COL7A1: variants seen among roughly 807,000 people sequenced by gnomAD.
COL7A1 encodes collagen type VII alpha 1 chain, also known as collagen alpha-1(VII) chain.
In COL7A1, 296 loss-of-function variants were observed where a neutral mutation model predicts 456.2. The ratio of observed to expected loss-of-function variants is 0.65; its 90% CI spans 0.59 to 0.71. The LOEUF (loss-of-function observed/expected upper bound fraction) is 0.71, where lower values mean the gene tolerates loss of function less well. COL7A1 is among the 30% of genes least tolerant of loss of function. The pLI is 0.00. For synonymous variants in COL7A1, 1,464 were observed against 1,525.9 expected (o/e 0.96, Z 0.95); for missense variants, 3,441 against 4,017.2 (o/e 0.86, Z 3.88).
At chr3:48,577,426 T>C (rs554214401) in intron 65 of COL7A1, among the ~76,000 whole-genome samples, 1 of 152,360 alleles carries the variant, frequency 6.6e-6, no homozygotes, top group South Asian at 2.1e-4. Context: ...CATGGGCTTA[T>C]ACATGTCTCC....
Position 48,567,933 on chromosome 3 carries a change from T to TCACTCTGTGA in COL7A1, c.7876-52_7876-43dup, listed in dbSNP as rs1479922790. 1.2e-6 allele frequency: 2 copies of TCACTCTGTGA among 1,612,206 alleles called. No homozygotes were observed. The highest frequency in any genetic ancestry group is 2.7e-5 in the African/African-American group (2 of 74,792). On this transcript the variant is annotated intron_variant, in intron 106 of 118. Coordinates refer to ENST00000681320, the MANE Select transcript of COL7A1 (RefSeq NM_000094.4). The surrounding 1 kb of genome is among the most constrained non-coding windows in gnomAD (Gnocchi z 4.3). ...GATGAAGAAGTGATTCCCAGACACC[T>TCACTCTGTGA]CACTCTGTGACCCCCTTCACCCTGA...
rs780623622 is a variant in COL7A1, at chr3:48,575,437, CG to C, written c.6081del (p.Pro2029LeufsTer177). On this transcript the variant is annotated frameshift_variant, in exon 74 of 119. Transcript: ENST00000681320. LOFTEE classifies it high-confidence loss of function. The surrounding 1 kb of genome is among the most constrained non-coding windows in gnomAD (Gnocchi z 6.3). The stretch of plus-strand genomic sequence containing the variant: ...GGCTCCCCGGCAAGGCCGGAAGGCC[CG>C]GGGGGGCCCCTCTCCCCAAGGGCCA... The part of the protein sequence containing the change: ...PGLALGERGP[P>X]GPSGLAGEPG... 18 of 1,609,740 alleles carry C rather than the reference CG, an allele frequency of 1.1e-5. No homozygotes were observed. The highest frequency in any genetic ancestry group is 1.3e-5 in the African/African-American group (1 of 74,782).
At position 48,570,135 on chromosome 3, in the gene COL7A1, G is replaced by A. The variant is rs771717980; in HGVS notation, c.7484C>T (p.Thr2495Met). Residue 2495 changes from threonine (T) to methionine (M), a missense_variant and splice_region_variant, in exon 99 of 119, where the codon ACG becomes ATG. By Grantham distance (81) the Thr-to-Met change is moderately conservative. Coordinates refer to ENST00000681320, the MANE Select transcript of COL7A1 (RefSeq NM_000094.4). This position sits in a 1 kb window ranked among gnomAD's most constrained non-coding sequence, Gnocchi z 5.5. The stretch of plus-strand genomic sequence containing the variant: ...GTCACTTTCCCCAGCGGGACCCACC[G>A]TGAGTCCTCGGGGTCCCTCCTGGCC... ...RPGQEGPRGL[T>M]GPPGSRGERG... 7.4e-6 allele frequency: 12 copies of A among 1,614,036 alleles called. No homozygotes were observed. The highest frequency in any genetic ancestry group is 3.3e-4 in the Middle Eastern group (2 of 6,084).
Position 48,564,730 on chromosome 3 carries a change from C to T in COL7A1, c.8818+53G>A, listed in dbSNP as rs2043526012. On this transcript the variant is annotated intron_variant, in intron 118 of 118. Transcript: ENST00000681320. The surrounding 1 kb of genome is among the most constrained non-coding windows in gnomAD (Gnocchi z 6.0). ...GCCCAAGGACTCCTCCCCCAGAACCCGATCCAGGCAGGCTCAGTGCCCAGT... is the reference window on the plus strand; with the variant it reads ...GCCCAAGGACTCCTCCCCCAGAACCTGATCCAGGCAGGCTCAGTGCCCAGT... 18 of 1,576,670 alleles carry T rather than the reference C, an allele frequency of 1.1e-5. No individual in the cohort carries two copies. The highest frequency in any genetic ancestry group is 2.3e-5 in the East Asian group (1 of 43,418).
chr3:48,570,418 G>A lies in COL7A1; in HGVS notation c.7380+47C>T. ...ATGGGAGGTCAGTGGAGGCTGAAGG[G>A]GGTGACCAGGGCACAAGAGAGAGTC... On this transcript the variant is annotated intron_variant, in intron 97 of 118. Coordinates refer to ENST00000681320, the MANE Select transcript of COL7A1 (RefSeq NM_000094.4). The surrounding 1 kb of genome is among the most constrained non-coding windows in gnomAD (Gnocchi z 5.5). 6.2e-7 allele frequency: 1 copy of A among 1,614,014 alleles called. No homozygotes were observed. Among genetic ancestry groups the A allele is most frequent in the Non-Finnish European group, 8.5e-7 (1 of 1,179,912 alleles).
chr3:48,565,674 G>T lies in COL7A1; in HGVS notation c.8408-6C>A, dbSNP rs749730480. ...GATGAACTGGCCCTGGCAGGCTAGA[G>T]GGGGCAGAGAGGGATAGAGAGACAA... On this transcript the variant is annotated splice_region_variant and splice_polypyrimidine_tract_variant and intron_variant, in intron 114 of 118. Transcript: ENST00000681320. The surrounding 1 kb of genome is among the most constrained non-coding windows in gnomAD (Gnocchi z 4.5). The T allele has an allele frequency of 3.3e-5, 54 of 1,612,576 alleles. No homozygotes were observed. The Admixed American group carries it at 8.9e-4, about 26-fold the overall frequency.
rs779488229 is a variant in COL7A1, at chr3:48,570,358, G to A, written c.7381-24C>T. On this transcript the variant is annotated intron_variant, in intron 97 of 118. Coordinates refer to ENST00000681320, the MANE Select transcript of COL7A1 (RefSeq NM_000094.4). The surrounding 1 kb of genome is among the most constrained non-coding windows in gnomAD (Gnocchi z 5.5). The stretch of plus-strand genomic sequence containing the variant: ...CCCTGGAGACCAACAGGACACCGGG[G>A]ATCAGTGAGGGGAATCAGTGGGGGA... The A allele has an allele frequency of 6.2e-7, 1 of 1,614,074 alleles. No homozygotes were observed. Among genetic ancestry groups the A allele is most frequent in the Non-Finnish European group, 8.5e-7 (1 of 1,179,972 alleles).
chr3:48,579,962 G>A lies in COL7A1; in HGVS notation c.5124+69C>T. The A allele has an allele frequency of 1.2e-6, 2 of 1,609,306 alleles. No individual in the cohort carries two copies. The highest frequency in any genetic ancestry group is 3.3e-5 in the Admixed American group (2 of 60,008). ...GTGGGAGTTAGTGGAAGGAATGAGG[G>A]GACATGATGTGGAGCCAAAGGGGCA... On this transcript the variant is annotated intron_variant, in intron 57 of 118. Coordinates refer to ENST00000681320, the MANE Select transcript of COL7A1 (RefSeq NM_000094.4). This position sits in a 1 kb window ranked among gnomAD's most constrained non-coding sequence, Gnocchi z 4.4.
Position 48,567,497 on chromosome 3 carries a change from C to T in COL7A1, c.8046+77G>A, listed in dbSNP as rs781251704. 4.4e-6 allele frequency: 7 copies of T among 1,592,760 alleles called. No homozygotes were observed. Among genetic ancestry groups the T allele is most frequent in the East Asian group, 2.2e-5 (1 of 44,768 alleles). ...CCCTCTACAGCCTTCCTTGTCCCTA[C>T]ACCCCCATGACCCGACCATGAGCTT... On this transcript the variant is annotated intron_variant, in intron 109 of 118. Coordinates refer to ENST00000681320, the MANE Select transcript of COL7A1 (RefSeq NM_000094.4). This position sits in a 1 kb window ranked among gnomAD's most constrained non-coding sequence, Gnocchi z 4.3.
Position 48,592,061 on chromosome 3 carries a change from C to A in COL7A1, c.1240+41G>T. 1 of 1,614,182 alleles carries A rather than the reference C, an allele frequency of 6.2e-7. No individual in the cohort carries two copies. Among genetic ancestry groups the A allele is most frequent in the East Asian group, 2.2e-5 (1 of 44,884 alleles). On this transcript the variant is annotated intron_variant, in intron 10 of 118. Coordinates refer to ENST00000681320, the MANE Select transcript of COL7A1 (RefSeq NM_000094.4). This position sits in a 1 kb window ranked among gnomAD's most constrained non-coding sequence, Gnocchi z 7.6. ...TCAGTGGCCTCCGGGCCTTGCCCTG[C>A]CTGCCCGTCCCAGCCTGAAGAAAGT...
chr3:48,592,071 C>T lies in COL7A1; in HGVS notation c.1240+31G>A, dbSNP rs770244353. The T allele has an allele frequency of 6.2e-7, 1 of 1,614,178 alleles. No homozygotes were observed. Among genetic ancestry groups the T allele is most frequent in the South Asian group, 1.1e-5 (1 of 91,088 alleles). On this transcript the variant is annotated intron_variant, in intron 10 of 118. Transcript: ENST00000681320. The surrounding 1 kb of genome is among the most constrained non-coding windows in gnomAD (Gnocchi z 7.6). ...CCGGGCCTTGCCCTGCCTGCCCGTC[C>T]CAGCCTGAAGAAAGTGCCCAGCCTT...
rs375511803 is a variant in COL7A1 at position 48,585,563 on chromosome 3, G to A, written c.3888C>T (p.Gly1296=). 1.2e-5 allele frequency: 19 copies of A among 1,613,640 alleles called. No individual in the cohort carries two copies. Among genetic ancestry groups the A allele is most frequent in the Admixed American group, 3.3e-5 (2 of 60,002 alleles). ...QGPPGSATAK[G]ERGFPGADGR... ...CGATGGTCTCCACACTCACCCTCTC[G>A]CCCTTGGCAGTGGCACTTCCAGGGG... The change falls in exon 32 of 119, where the codon GGC becomes GGT. Residue 1296 remains glycine, a synonymous_variant. Transcript: ENST00000681320. The surrounding 1 kb of genome is among the most constrained non-coding windows in gnomAD (Gnocchi z 4.5).
Position 48,576,296 on chromosome 3 carries a change from C to A in COL7A1, c.5773G>T (p.Gly1925Cys). The change falls in exon 71 of 119, where the codon GGC becomes TGC. Residue 1925 changes from glycine to cysteine, a missense_variant and splice_region_variant. Gly to Cys is a radical substitution (Grantham distance 159). Coordinates refer to ENST00000681320, the MANE Select transcript of COL7A1 (RefSeq NM_000094.4). ...CGCAGGCCACGCTCTCCAGGGAGGC[C>A]CTGGAGAGATGAAGACAAACTGCTA... ...RGETGSKGEQ[G>C]LPGERGLRGE... 6.2e-7 allele frequency: 1 copy of A among 1,613,788 alleles called. No individual in the cohort carries two copies. The highest frequency in any genetic ancestry group is 8.5e-7 in the Non-Finnish European group (1 of 1,179,986).
In COL7A1 at chr3:48,573,690, C is replaced by A. The variant is rs779416907; in HGVS notation, c.6573G>T (p.Pro2191=). Residue 2191 remains proline (P), a splice_region_variant and synonymous_variant, in exon 82 of 119, where the codon CCG becomes CCT. Coordinates refer to ENST00000681320, the MANE Select transcript of COL7A1 (RefSeq NM_000094.4). This position sits in a 1 kb window ranked among gnomAD's most constrained non-coding sequence, Gnocchi z 5.5. ...CAGGCAGTGTTCCCTGGTCACTCAC[C>A]GGGGCACCAGGTGGTCCAGGGTCTC... is the stretch of plus-strand genomic sequence containing the variant. The part of the protein sequence containing the change: ...GHGDPGPPGA[P]GLAGPAGPQG... 6.2e-7 allele frequency: 1 copy of A among 1,612,822 alleles called. No individual in the cohort carries two copies. Among genetic ancestry groups the A allele is most frequent in the South Asian group, 1.1e-5 (1 of 90,878 alleles).
At position 48,585,945 on chromosome 3, in the gene COL7A1, G is replaced by T. The variant is rs1283781441; in HGVS notation, c.3754C>A (p.Pro1252Thr). 14 of 1,613,974 alleles carry T rather than the reference G, an allele frequency of 8.7e-6. No individual in the cohort carries two copies. The highest frequency in any genetic ancestry group is 1.2e-5 in the Non-Finnish European group (14 of 1,180,036). The change falls in exon 29 of 119, where the codon CCA becomes ACA. Residue 1252 changes from proline (P) to threonine (T), a missense_variant. Coordinates refer to ENST00000681320, the MANE Select transcript of COL7A1 (RefSeq NM_000094.4). This position sits in a 1 kb window ranked among gnomAD's most constrained non-coding sequence, Gnocchi z 4.5. ...TCTCGATGAGGGACTCTTACCTTTGGACAATACACTGGGCAGGGCTCTGGC... is the reference window on the plus strand; with the variant it reads ...TCTCGATGAGGGACTCTTACCTTTGTACAATACACTGGGCAGGGCTCTGGC... ...PRPEPCPVYC[P>T]KGQKGEPGEM...
rs2045340753 is a variant in COL7A1 at position 48,587,287 on chromosome 3, C to G, written c.3042G>C (p.Arg1014=). 6.2e-7 allele frequency: 1 copy of G among 1,607,302 alleles called. No homozygotes were observed. Among genetic ancestry groups the G allele is most frequent in the Admixed American group, 1.7e-5 (1 of 59,118 alleles). Residue 1014 remains arginine, a synonymous_variant, in exon 24 of 119, where the codon CGG becomes CGC. Coordinates refer to ENST00000681320, the MANE Select transcript of COL7A1 (RefSeq NM_000094.4). The surrounding 1 kb of genome is among the most constrained non-coding windows in gnomAD (Gnocchi z 6.1). ...QTLPGISSSQ[R]VTGLEPGVSY... The stretch of plus-strand genomic sequence containing the variant: ...AGACGCCAGGCTCTAGCCCTGTCAC[C>G]CGCTGGGAGCTTGAGATCCCTGGAA...
At position 48,586,043 on chromosome 3, in the gene COL7A1, C is replaced by T. The variant is rs2045231163; in HGVS notation, c.3723+31G>A. 2 of 1,613,506 alleles carry T rather than the reference C, an allele frequency of 1.2e-6. No individual in the cohort carries two copies. Among genetic ancestry groups the T allele is most frequent in the Non-Finnish European group, 1.7e-6 (2 of 1,180,010 alleles). The stretch of plus-strand genomic sequence containing the variant: ...GAACCCCCAGACCCCTTATATTCTA[C>T]CACCCAGTCCCCCAGAGGCCTCTTC... On this transcript the variant is annotated intron_variant, in intron 28 of 118. Coordinates refer to ENST00000681320, the MANE Select transcript of COL7A1 (RefSeq NM_000094.4). The surrounding 1 kb of genome is among the most constrained non-coding windows in gnomAD (Gnocchi z 5.1).
At position 48,592,491 on chromosome 3, in the gene COL7A1, T is replaced by C; in HGVS notation, c.977-24A>G. 6.2e-7 allele frequency: 1 copy of C among 1,613,128 alleles called. No homozygotes were observed. The highest frequency in any genetic ancestry group is 8.5e-7 in the Non-Finnish European group (1 of 1,179,744). ...AGCTGGGGGAGAGTCCCACCAGGGA[T>C]TCATGGAGTCAGAAGTGGGAGGGGG... is the stretch of plus-strand genomic sequence containing the variant. On this transcript the variant is annotated intron_variant, in intron 8 of 118. Coordinates refer to ENST00000681320, the MANE Select transcript of COL7A1 (RefSeq NM_000094.4). The surrounding 1 kb of genome is among the most constrained non-coding windows in gnomAD (Gnocchi z 7.6).
At position 48,588,503 on chromosome 3, in the gene COL7A1, A is replaced by T; in HGVS notation, c.2588-99T>A. 1 of 1,588,210 alleles carries T rather than the reference A, an allele frequency of 6.3e-7. No individual in the cohort carries two copies. The highest frequency in any genetic ancestry group is 8.6e-7 in the Non-Finnish European group (1 of 1,166,728). ...ACACGCACCCCGCCCAGCCTCTCAG[A>T]CCCCTCTCCCTCCTCTCAGACCCTG... On this transcript the variant is annotated intron_variant, in intron 20 of 118. Coordinates refer to ENST00000681320, the MANE Select transcript of COL7A1 (RefSeq NM_000094.4). The surrounding 1 kb of genome is among the most constrained non-coding windows in gnomAD (Gnocchi z 4.6).
Sources: gnomAD v4.1 joint callset for allele counts (sites outside exome capture counted in the v4.1 genomes callset) on GRCh38, gnomAD v4.1.1 for gene constraint, Gnocchi (gnomAD v3.1) non-coding constraint, MANE v1.5 for transcripts, NCBI Gene and HGNC (gene_info 2026-07-23, HGNC 2026-07-21) for gene names.